The following FCSK variants were observed in gnomAD, a reference collection of about 807,000 sequenced individuals.
FCSK encodes L-fucose kinase.
FCSK carries 123 observed loss-of-function variants against 122.5 expected under a neutral mutation model. The observed-to-expected ratio is 1.00, with a 90% CI of 0.87 to 1.17. FCSK has a LOEUF of 1.17. FCSK is among the 50% of genes most tolerant of loss of function. FCSK has a pLI of 0.00. For missense variants in FCSK, 1,366 were observed against 1,450.4 expected (o/e 0.94, Z 0.95); for synonymous variants, 620 against 625.5 (o/e 0.99, Z 0.13).
At chr16:70,456,729 G>A (rs1191738148) in intron 1 of FCSK, among the ~76,000 whole-genome samples, 1 of 152,118 alleles carries the variant, frequency 6.6e-6, no homozygotes, top group Non-Finnish European at 1.5e-5. Context: ...GCTTAGAGAG[G>A]TTAAGTAACT....
At chr16:70,458,452 G>A (rs1395930239) in intron 1 of FCSK, among the ~76,000 whole-genome samples, 1 of 150,986 alleles carries the variant, frequency 6.6e-6, no homozygotes, top group African/African-American at 2.4e-5. Context: ...GAGCCACCAT[G>A]CCCGGCCTAT....
chr16:70,467,494 A>G (rs1291902119), intron 7 of FCSK, 23 bp downstream of exon 7: 1 of 1,551,144 alleles, frequency 6.4e-7, no homozygotes, highest in Non-Finnish European at 8.7e-7. Context: ...GGGACAGTGG[A>G]GCCGGCTGGG....
In FCSK at chr16:70,473,327, G is replaced by T. The variant is rs926475956; in HGVS notation, c.1751G>T (p.Gly584Val). The T allele has an allele frequency of 1.3e-6, 2 of 1,510,074 alleles. No homozygotes were observed. Among genetic ancestry groups the T allele is most frequent in the African/African-American group, 1.4e-5 (1 of 72,278 alleles). The allele number at this position is 1,510,074 out of a possible 1,614,324, so 93.5% of individuals were successfully genotyped here. The part of the protein sequence containing the change: ...IWAAVREGCP[G>V]PLLATLDQVA... The stretch of plus-strand genomic sequence containing the variant: ...GCTGCTGTCCGCGAGGGCTGCCCCG[G>T]GCCCCTGCTGGCCACGCTGGACCAG... The change falls in exon 15 of 24, where the codon GGG (glycine) becomes GTG (valine). Residue 584 changes from glycine to valine, a missense_variant. Physicochemically the swap from Gly to Val is moderately radical, Grantham distance 109 (BLOSUM62 -3). Coordinates refer to ENST00000288078, the MANE Select transcript of FCSK (RefSeq NM_145059.3). This position sits in a 1 kb window ranked among gnomAD's most constrained non-coding sequence, Gnocchi z 4.9.
chr16:70,461,324 G>A (rs181501534), intron 1 of FCSK, among the ~76,000 whole-genome samples: 16 of 152,254 alleles, frequency 1.1e-4, no homozygotes, highest in South Asian at 8.3e-4. Context: ...AAATGGGGGT[G>A]CTGCTTTGTG....
intron 5 of FCSK, chr16:70,466,480 G>A (rs1019302518): frequency 9.0e-6 from 5 of 554,938 alleles, no homozygotes; most frequent in Non-Finnish European, 1.6e-5. Flanking sequence ...ATCGCTTGAG[G>A]CCAAGAGTTC....
intron 1 of FCSK, among the ~76,000 whole-genome samples, chr16:70,461,920 G>T (rs1258638591): frequency 6.6e-6 from 1 of 152,166 alleles, no homozygotes; most frequent in Non-Finnish European, 1.5e-5. Context: ...ACCTATCTCC[G>T]GAGGTTCATA....
At position 70,478,568 on chromosome 16, in the gene FCSK, G is replaced by A. The variant is rs2048889277; in HGVS notation, c.2847G>A (p.Trp949Ter). The A allele has an allele frequency of 6.2e-7, 1 of 1,613,786 alleles. No homozygotes were observed. The highest frequency in any genetic ancestry group is 8.5e-7 in the Non-Finnish European group (1 of 1,180,042). Reference sequence around the variant, plus strand: ...GTCCGCAGGATGTGCTGAGGAGCTGGTATGCCCGACTTCCTGCTGTGGTGC... The same window carrying A: ...GTCCGCAGGATGTGCTGAGGAGCTGATATGCCCGACTTCCTGCTGTGGTGC... Reference protein sequence around the residue: ...RNLLQDVLRSWYARLPAVVQN... With the variant: ...RNLLQDVLRS Residue 949 changes from tryptophan (W) to a stop codon, truncating the protein, a stop_gained, in exon 22 of 24, where the codon TGG (tryptophan) becomes TGA (stop). Coordinates refer to ENST00000288078, the MANE Select transcript of FCSK (RefSeq NM_145059.3). LOFTEE classifies it high-confidence loss of function.
At chr16:70,479,150 G>A in intron 22 of FCSK, 30 bp from the exon 23 acceptor site, 2 of 1,553,952 alleles carry the variant, frequency 1.3e-6, no homozygotes, top group Non-Finnish European at 1.8e-6. Context: ...TCTTGGCCCA[G>A]GCACGTCACT....
chr16:70,477,431 C>T (rs1369396360), intron 20 of FCSK: 1 of 152,248 alleles, frequency 6.6e-6, no homozygotes, highest in Non-Finnish European at 1.5e-5. Context: ...ATCCGCCTGC[C>T]TTGGCCTCCC....
Position 70,466,881 on chromosome 16 carries a change from G to A in FCSK, c.412-1G>A. 6.2e-7 allele frequency: 1 copy of A among 1,613,132 alleles called. No homozygotes were observed. The highest frequency in any genetic ancestry group is 8.5e-7 in the Non-Finnish European group (1 of 1,179,774). On this transcript the variant is annotated splice_acceptor_variant, in intron 5 of 23. Coordinates refer to ENST00000288078, the MANE Select transcript of FCSK (RefSeq NM_145059.3). LOFTEE classifies it high-confidence loss of function. The stretch of plus-strand genomic sequence containing the variant: ...TGTGTTCTGTCTCCTTCCCCCCACA[G>A]CTGGGCCCGGGCTCCCCGCCAGGCG...
chr16:70,472,036 C>T (rs965636794), intron 13 of FCSK, among the ~76,000 whole-genome samples: 5 of 152,004 alleles, frequency 3.3e-5, no homozygotes, highest in Non-Finnish European at 5.9e-5. Flanking sequence ...CTCAATCTCC[C>T]GACCTCAACT....
intron 20 of FCSK, 58 bp downstream of exon 20, chr16:70,475,825 G>C (rs1028455972): frequency 7.0e-5 from 103 of 1,475,434 alleles, no homozygotes; most frequent in South Asian, 2.1e-4. Context: ...GGGCCCGCGG[G>C]GGGAGTGGGG....
At position 70,473,231 on chromosome 16, in the gene FCSK, G is replaced by C; in HGVS notation, c.1655G>C (p.Arg552Pro). ...GCCTCTCGCCGGGACCTGTTCTTCCGCCAGGCCCTGCATAAGGCGCGGCAC... is the reference window on the plus strand; with the variant it reads ...GCCTCTCGCCGGGACCTGTTCTTCCCCCAGGCCCTGCATAAGGCGCGGCAC... ...TLASRRDLFF[R>P]QALHKARHVL... Residue 552 changes from arginine to proline, a missense_variant, in exon 15 of 24, where the codon CGC becomes CCC. Coordinates refer to ENST00000288078, the MANE Select transcript of FCSK (RefSeq NM_145059.3). This position sits in a 1 kb window ranked among gnomAD's most constrained non-coding sequence, Gnocchi z 4.9. The C allele has an allele frequency of 6.5e-7, 1 of 1,535,316 alleles. No homozygotes were observed. Among genetic ancestry groups the C allele is most frequent in the Non-Finnish European group, 8.7e-7 (1 of 1,145,748 alleles).
chr16:70,479,434 C>A, intron 23 of FCSK, 31 bp downstream of exon 23: 1 of 1,583,236 alleles, frequency 6.3e-7, no homozygotes, highest in South Asian at 1.1e-5. Context: ...GGTAAAGAGA[C>A]CTCTGGGGGC....
intron 1 of FCSK, among the ~76,000 whole-genome samples, chr16:70,461,461 G>A (rs1040860482): frequency 1.2e-4 from 18 of 152,118 alleles, no homozygotes; most frequent in Admixed American, 3.9e-4. Context: ...CAGGTTGGGG[G>A]AGACAGGGGT....
intron 14 of FCSK, 106 bp downstream of exon 14, chr16:70,472,711 C>T: frequency 1.0e-6 from 1 of 978,052 alleles, no homozygotes; most frequent in Admixed American, 2.6e-5. Context: ...GGCCGTGTTA[C>T]CATCCAGGGG....
intron 20 of FCSK, chr16:70,478,018 C>T (rs962511222): frequency 2.1e-5 from 11 of 523,794 alleles, no homozygotes; most frequent in Middle Eastern, 5.1e-4. Flanking sequence ...TGTGGTTTAT[C>T]CCAATTCCAA....
chr16:70,467,746 C>A, intron 7 of FCSK, 140 bp from the exon 8 acceptor site: 2 of 713,732 alleles, frequency 2.8e-6, no homozygotes, highest in South Asian at 1.7e-5. Context: ...ATCTCAGGCC[C>A]CCCCTGAGAA....
chr16:70,474,083 G>C (rs2048716483), intron 15 of FCSK, 46 bp from the exon 16 acceptor site: 1 of 1,524,118 alleles, frequency 6.6e-7, no homozygotes, highest in Admixed American at 2.1e-5. Context: ...AGAGGATTTT[G>C]AAGACAGGCC....
Sources: allele counts gnomAD v4.1 joint callset (sites outside exome capture counted in the v4.1 genomes callset), GRCh38; gene constraint gnomAD v4.1.1; non-coding constraint Gnocchi (gnomAD v3.1); transcripts MANE v1.5; gene names NCBI Gene and HGNC (gene_info 2026-07-23, HGNC 2026-07-21).